ADAM22: variants seen among roughly 807,000 people sequenced by gnomAD.
ADAM22 encodes the protein disintegrin and metalloproteinase domain-containing protein 22.
In ADAM22, 65 loss-of-function variants were observed where a neutral mutation model predicts 144.6. That is an observed-to-expected ratio of 0.45 (90% CI 0.37 to 0.55). The LOEUF (loss-of-function observed/expected upper bound fraction) is 0.55, where lower values mean the gene tolerates loss of function less well. Ranked by LOEUF, ADAM22 falls within the 20% of genes least tolerant of loss-of-function variation. The pLI is 0.00. For synonymous variants in ADAM22, 391 were observed against 412.6 expected (o/e 0.95, Z 0.63); for missense variants, 974 against 1,184.9 (o/e 0.82, Z 2.61).
chr7:88,158,729 T>C (rs937038428), intron 22 of ADAM22, among the ~76,000 whole-genome samples: 1 of 151,908 alleles, frequency 6.6e-6, no homozygotes, highest in African/African-American at 2.4e-5. Flanking sequence ...AGATACAAAA[T>C]ACAAGAATCT....
At chr7:88,186,912 G>T (rs1216085811) in intron 30 of ADAM22, among the ~76,000 whole-genome samples, 1 of 152,058 alleles carries the variant, frequency 6.6e-6, no homozygotes, top group Non-Finnish European at 1.5e-5. Flanking sequence ...CATTTGAAAG[G>T]GTTGTCATTT....
At chr7:88,030,754 A>G (rs1467956438) in intron 3 of ADAM22, among the ~76,000 whole-genome samples, 1 of 152,038 alleles carries the variant, frequency 6.6e-6, no homozygotes. Context: ...TTCCGCCATG[A>G]TTGTAAATTT....
chr7:87,971,008 A>G (rs561537924), intron 2 of ADAM22, among the ~76,000 whole-genome samples: 17 of 152,266 alleles, frequency 1.1e-4, no homozygotes, highest in African/African-American at 4.1e-4. Context: ...AAGCACATAC[A>G]TACTGCAAGC....
At chr7:87,953,397 G>C (rs1845759824) in intron 2 of ADAM22, among the ~76,000 whole-genome samples, 1 of 152,048 alleles carries the variant, frequency 6.6e-6, no homozygotes, top group South Asian at 2.1e-4. Flanking sequence ...ATTTCGTTAT[G>C]TATCCAGTAG....
At position 87,965,597 on chromosome 7, in the gene ADAM22, A is replaced by G. The variant is rs113192070; in HGVS notation, c.247-12739A>G. Among the ~76,000 whole-genome samples, 872 of 152,284 alleles carry G rather than the reference A, an allele frequency of 5.7e-3. 4 individuals are homozygous for G. The highest frequency in any genetic ancestry group is 0.02 in the African/African-American group (842 of 41,566). On this transcript the variant is annotated intron_variant, in intron 2 of 31. Transcript: ENST00000413139. ...TTATTATGGGATTTTGTACAACATT[A>G]TTTCCTATTTTTCTTTCTTCAGACA...
chr7:88,013,233 C>G (rs1795841124), intron 3 of ADAM22, among the ~76,000 whole-genome samples: 1 of 152,120 alleles, frequency 6.6e-6, no homozygotes, highest in African/African-American at 2.4e-5. Context: ...ACCTGTTTTT[C>G]CAGATTTTGG....
intron 2 of ADAM22, among the ~76,000 whole-genome samples, chr7:87,964,380 C>CACTTTTTGAAA (rs1195745968): frequency 4.3e-4 from 66 of 152,212 alleles, no homozygotes; most frequent in African/African-American, 1.5e-3. Context: ...GATTTGGAGT[C>CACTTTTTGAAA]AGTGTATTTT....
At chr7:88,001,307 C>A (rs866088783) in intron 3 of ADAM22, among the ~76,000 whole-genome samples, 3 of 151,950 alleles carry the variant, frequency 2.0e-5, no homozygotes, top group Non-Finnish European at 4.4e-5. Context: ...ACAAACATAA[C>A]CTGAAGGTAA....
rs1840695225 is a variant in ADAM22, at chr7:87,934,541, G to A, written c.76G>A (p.Gly26Ser). The change falls in exon 1 of 32, where the codon GGC becomes AGC. Residue 26 changes from glycine (G) to serine (S), a missense_variant. By Grantham distance (56) the Gly-to-Ser change is moderately conservative. Around this residue, in one of 2 missense-constraint regions of ADAM22, gnomAD observed 240 missense variants for 234.3 expected, o/e 1.02. Transcript: ENST00000413139. ...VLGTCPPARC[G>S]QAGDASLMEL... ...GGGGACCTGCCCTCCGGCGCGCTGC[G>A]GCCAGGCAGGTAAGTTAGCCGTCCT... 1 of 1,607,724 alleles carries A rather than the reference G, an allele frequency of 6.2e-7. No homozygotes were observed. The highest frequency in any genetic ancestry group is 8.5e-7 in the Non-Finnish European group (1 of 1,179,388).
At chr7:88,082,909 C>A (rs964643264) in intron 4 of ADAM22, among the ~76,000 whole-genome samples, 4 of 152,122 alleles carry the variant, frequency 2.6e-5, no homozygotes, top group African/African-American at 9.7e-5. Flanking sequence ...ACTAGTGCAA[C>A]CATTGTGGAA....
At chr7:87,988,141 C>A (rs568054692) in intron 3 of ADAM22, among the ~76,000 whole-genome samples, 2 of 152,314 alleles carry the variant, frequency 1.3e-5, no homozygotes, top group South Asian at 4.1e-4. Flanking sequence ...GAAGTCTCTT[C>A]TTGGAAACTG....
At chr7:88,146,676 G>A (rs182454936) in intron 17 of ADAM22, among the ~76,000 whole-genome samples, 24 of 152,232 alleles carry the variant, frequency 1.6e-4, no homozygotes, top group African/African-American at 5.8e-4. Flanking sequence ...CTTTTGGGAT[G>A]GGCATTATTA....
In ADAM22 at chr7:87,978,396, G is replaced by A. The variant is rs374141909; in HGVS notation, c.307G>A (p.Asp103Asn). Residue 103 changes from aspartate (D) to asparagine (N), a missense_variant, in exon 3 of 32, where the codon GAT becomes AAT. This residue lies in a region of ADAM22 where 240 missense variants were observed against 234.3 expected (regional missense o/e 1.02). Coordinates refer to ENST00000413139, the MANE Select transcript of ADAM22 (RefSeq NM_001324418.2). The stretch of plus-strand genomic sequence containing the variant: ...TGCCTTTGGAACGTCATTCATTCTC[G>A]ATGTCGTGCTAAATCAGTAAGTGTT... ...VDAFGTSFIL[D>N]VVLNHDLLSS... 16 of 1,613,502 alleles carry A rather than the reference G, an allele frequency of 9.9e-6. No individual in the cohort carries two copies. Among genetic ancestry groups the A allele is most frequent in the Middle Eastern group, 3.3e-4 (2 of 6,058 alleles).
At chr7:88,040,138 AT>A (rs1802745763) in intron 3 of ADAM22, among the ~76,000 whole-genome samples, 1 of 150,750 alleles carries the variant, frequency 6.6e-6, no homozygotes, top group African/African-American at 2.4e-5. Context: ...TTTTTTTTTA[AT>A]TTTATTTTTT....
chr7:88,085,538 A>T (rs1370056109), intron 4 of ADAM22, among the ~76,000 whole-genome samples: 1 of 152,208 alleles, frequency 6.6e-6, no homozygotes, highest in Non-Finnish European at 1.5e-5. Flanking sequence ...ACATAGCAAG[A>T]GACTGTCTTG....
chr7:87,953,184 C>T (rs1290307362), intron 2 of ADAM22, among the ~76,000 whole-genome samples: 2 of 151,824 alleles, frequency 1.3e-5, no homozygotes, highest in Admixed American at 6.6e-5. Flanking sequence ...CTTCTGCTAG[C>T]TTTTGAATGT....
intron 2 of ADAM22, among the ~76,000 whole-genome samples, chr7:87,957,797 G>A (rs1184099916): frequency 6.6e-6 from 1 of 152,004 alleles, no homozygotes. Context: ...TTAGCCAGGT[G>A]GTCTCAAACT....
At chr7:87,992,856 T>C (rs181601837) in intron 3 of ADAM22, among the ~76,000 whole-genome samples, 112 of 152,262 alleles carry the variant, frequency 7.4e-4, no homozygotes, top group African/African-American at 2.4e-3. Context: ...CCTCTTCCTC[T>C]GACTCATTGT....
At chr7:87,940,668 A>T (rs1451600336) in intron 2 of ADAM22, among the ~76,000 whole-genome samples, 1 of 152,206 alleles carries the variant, frequency 6.6e-6, no homozygotes, top group Non-Finnish European at 1.5e-5. Flanking sequence ...AGTCCTAGAA[A>T]TGGTAGTCAA....
Sources: allele counts gnomAD v4.1 joint callset (sites outside exome capture counted in the v4.1 genomes callset), GRCh38; gene constraint gnomAD v4.1.1; regional missense constraint gnomAD v4.1.1; transcripts MANE v1.5; gene names NCBI Gene and HGNC (gene_info 2026-07-23, HGNC 2026-07-21).